BABAM2: variants seen among roughly 807,000 people sequenced by gnomAD.
The protein encoded by BABAM2 is BRISC and BRCA1 A complex member 2.
BABAM2 carries 31 observed loss-of-function variants against 54.7 expected under a neutral mutation model. The ratio of observed to expected loss-of-function variants is 0.57; its 90% CI spans 0.43 to 0.77. BABAM2 has a LOEUF of 0.77. BABAM2 is among the 30% of genes least tolerant of loss of function. BABAM2 has a pLI of 0.00. For synonymous variants in BABAM2, 167 were observed against 162.9 expected, an observed-to-expected ratio of 1.03 and a Z score of -0.19; for missense variants, 364 against 455.8, an observed-to-expected ratio of 0.80 and a Z score of 1.83.
At chr2:28,152,751 G>A (rs1328458042) in intron 7 of BABAM2, among the ~76,000 whole-genome samples, 2 of 152,224 alleles carry the variant, frequency 1.3e-5, no homozygotes, top group Non-Finnish European at 2.9e-5. Context: ...CTGAGTTAAG[G>A]AAGGGAAGAC....
At chr2:28,185,947 T>C (rs1223788421) in intron 7 of BABAM2, among the ~76,000 whole-genome samples, 1 of 152,178 alleles carries the variant, frequency 6.6e-6, no homozygotes, top group Non-Finnish European at 1.5e-5. Context: ...GAGTTGATCT[T>C]ACCTGTAAGA....
At chr2:27,907,846 T>A (rs1666295152) in intron 2 of BABAM2, among the ~76,000 whole-genome samples, 1 of 152,224 alleles carries the variant, frequency 6.6e-6, no homozygotes, top group African/African-American at 2.4e-5. Context: ...CGTGTTGTAG[T>A]GTCAGAATTT....
intron 7 of BABAM2, among the ~76,000 whole-genome samples, chr2:28,177,112 T>A (rs1169435382): frequency 6.6e-6 from 1 of 151,866 alleles, no homozygotes; most frequent in Non-Finnish European, 1.5e-5. Context: ...CACGTGATAG[T>A]CAAACTATCA....
chr2:27,947,709 A>G (rs529725611), intron 3 of BABAM2, among the ~76,000 whole-genome samples: 31 of 151,994 alleles, frequency 2.0e-4, no homozygotes, highest in Admixed American at 7.2e-4. Context: ...TTTTTGTACT[A>G]TGTTTTCTTT....
chr2:28,164,543 A>C (rs1369218230), intron 7 of BABAM2, among the ~76,000 whole-genome samples: 1 of 151,950 alleles, frequency 6.6e-6, no homozygotes, highest in Non-Finnish European at 1.5e-5. Context: ...ATTAAAAAAA[A>C]AACTAAACTG....
chr2:28,280,433 G>A (rs1188943562), intron 10 of BABAM2, among the ~76,000 whole-genome samples: 1 of 152,136 alleles, frequency 6.6e-6, no homozygotes, highest in Admixed American at 6.5e-5. Flanking sequence ...CTAACTCTCA[G>A]TGGTCTAGAG....
intron 4 of BABAM2, among the ~76,000 whole-genome samples, chr2:27,989,172 C>A (rs1219130207): frequency 1.3e-5 from 2 of 151,956 alleles, no homozygotes; most frequent in African/African-American, 2.4e-5. Context: ...TACGTATTCA[C>A]CCCATATTAA....
chr2:28,197,285 A>AT (rs1419641486), intron 7 of BABAM2, among the ~76,000 whole-genome samples: 1 of 152,176 alleles, frequency 6.6e-6, no homozygotes, highest in Non-Finnish European at 1.5e-5. Flanking sequence ...CGGCTGATAC[A>AT]TATCCTGACC....
intron 6 of BABAM2, among the ~76,000 whole-genome samples, chr2:28,106,716 C>T (rs1667557844): frequency 6.6e-6 from 1 of 152,112 alleles, no homozygotes; most frequent in South Asian, 2.1e-4. Context: ...TTGGGGTTTC[C>T]ACTGTAAAGT....
intron 2 of BABAM2, among the ~76,000 whole-genome samples, chr2:27,916,707 T>TCCTTCC (rs1294728776): frequency 4.6e-5 from 7 of 152,216 alleles, no homozygotes; most frequent in Non-Finnish European, 7.4e-5. Flanking sequence ...TAACTATTTC[T>TCCTTCC]CCTTCCCCTC....
chr2:28,298,658 C>A (rs535148789), intron 11 of BABAM2, among the ~76,000 whole-genome samples, 167 bp downstream of exon 11: 2 of 152,152 alleles, frequency 1.3e-5, no homozygotes, highest in Non-Finnish European at 2.9e-5. Context: ...TATCTGTGGC[C>A]GCTTTAATGC....
intron 7 of BABAM2, among the ~76,000 whole-genome samples, chr2:28,184,540 C>T (rs1336936599): frequency 7.0e-6 from 1 of 143,520 alleles, no homozygotes; most frequent in African/African-American, 2.6e-5. Flanking sequence ...CAAGTGTTCT[C>T]ATTGTTCAGT....
chr2:28,013,665 T>TAA (rs55636414), intron 4 of BABAM2, among the ~76,000 whole-genome samples: 19 of 58,062 alleles, frequency 3.3e-4, no homozygotes, highest in African/African-American at 4.5e-4. Context: ...GTCCAGCAAG[T>TAA]AAAAAAAAAA....
chr2:28,072,563 T>C (rs903104371), intron 6 of BABAM2, among the ~76,000 whole-genome samples: 55 of 152,244 alleles, frequency 3.6e-4, no homozygotes, highest in African/African-American at 1.3e-3. Flanking sequence ...TTTTTTGTAT[T>C]TTTAGTAGAG....
intron 7 of BABAM2, among the ~76,000 whole-genome samples, chr2:28,129,883 G>A (rs779068531): frequency 1.1e-4 from 16 of 152,156 alleles, no homozygotes; most frequent in Non-Finnish European, 2.1e-4. Context: ...AAATAGCTGC[G>A]TATAATTTTA....
chr2:27,947,244 G>A (rs1222666419), intron 3 of BABAM2, among the ~76,000 whole-genome samples: 3 of 151,678 alleles, frequency 2.0e-5, no homozygotes, highest in Non-Finnish European at 4.4e-5. Context: ...GCCTTCTTTT[G>A]GATTAATTAA....
intron 6 of BABAM2, among the ~76,000 whole-genome samples, chr2:28,070,326 T>G (rs1664004498): frequency 6.6e-6 from 1 of 152,192 alleles, no homozygotes; most frequent in Admixed American, 6.5e-5. Context: ...CTGCAAGTTT[T>G]TATCTTTGAG....
intron 6 of BABAM2, among the ~76,000 whole-genome samples, chr2:28,110,859 G>A (rs1667946158): frequency 6.6e-6 from 1 of 151,814 alleles, no homozygotes; most frequent in Non-Finnish European, 1.5e-5. Context: ...TGACATTCTC[G>A]CCAACACTTG....
intron 6 of BABAM2, among the ~76,000 whole-genome samples, chr2:28,058,001 G>A (rs571785105): frequency 2.6e-5 from 4 of 152,182 alleles, no homozygotes; most frequent in Non-Finnish European, 4.4e-5. Flanking sequence ...AAAATTAACC[G>A]GGCATGGTGG....
Sources: gnomAD v4.1 joint callset for allele counts (sites outside exome capture counted in the v4.1 genomes callset) on GRCh38, gnomAD v4.1.1 for gene constraint, MANE v1.5 for transcripts, NCBI Gene and HGNC (gene_info 2026-07-23, HGNC 2026-07-21) for gene names.